The following CEP128 variants were observed in gnomAD, a reference collection of about 807,000 sequenced individuals.
CEP128 encodes the protein centrosomal protein 128, also known as centrosomal protein 128kDa.
In CEP128, 132 loss-of-function variants were observed where a neutral mutation model predicts 156.7. That is an observed-to-expected ratio of 0.84 (90% CI 0.73 to 0.97). CEP128 has a LOEUF of 0.97. Ranked by LOEUF, CEP128 falls within the 50% of genes least tolerant of loss-of-function variation. CEP128 has a pLI of 0.00. For synonymous variants in CEP128, 469 were observed against 448.9 expected (o/e 1.04, Z -0.57); for missense variants, 1,252 against 1,281.9 (o/e 0.98, Z 0.36).
rs78532435 is a variant in CEP128 at position 80,895,607 on chromosome 14, T to C, written c.645+111A>G. ...TACAAGAACACACTTTTAGACAAAA[T>C]GGGACATACCACCCAAAAGGTTAAA... On this transcript the variant is annotated intron_variant, in intron 8 of 24. Coordinates refer to ENST00000555265, the MANE Select transcript of CEP128 (RefSeq NM_152446.5). 1.6e-3 allele frequency: 996 copies of C among 628,042 alleles called. 10 individuals carry two copies. The African/African-American group carries it at 0.017, about 11-fold the overall frequency. The allele number at this position is 628,042 out of a possible 1,614,324, so 38.9% of individuals were successfully genotyped here.
At chr14:80,512,821 C>A (rs1888320490) in intron 23 of CEP128, among the ~76,000 whole-genome samples, 1 of 151,936 alleles carries the variant, frequency 6.6e-6, no homozygotes, top group Non-Finnish European at 1.5e-5. Context: ...ACTTCAAGAA[C>A]AAGCAAACTA....
At chr14:80,859,564 A>T (rs576600291) in intron 9 of CEP128, among the ~76,000 whole-genome samples, 1 of 147,860 alleles carries the variant, frequency 6.8e-6, no homozygotes, top group East Asian at 1.9e-4. Context: ...AAATTAATTA[A>T]TTTTTAAAAA....
chr14:80,906,045 G>A lies in CEP128; in HGVS notation c.271C>T (p.Arg91Trp), dbSNP rs778096305. 29 of 1,608,088 alleles carry A rather than the reference G, an allele frequency of 1.8e-5. No individual in the cohort carries two copies. Among genetic ancestry groups the A allele is most frequent in the Non-Finnish European group, 2.4e-5 (28 of 1,178,342 alleles). ...ESLEQSIDQL[R>W]SQRLLRNSGG... ...GAGTTTCTCAATAAACGTTGACTCC[G>A]GAGTTGGTCGATTGATTGTTCCAAG... Residue 91 changes from arginine to tryptophan, a missense_variant, in exon 5 of 25, where the codon CGG becomes TGG. Physicochemically the swap from Arg to Trp is moderately radical, Grantham distance 101 (BLOSUM62 -3). Transcript: ENST00000555265.
chr14:80,763,861 T>C (rs1031802275), intron 16 of CEP128, among the ~76,000 whole-genome samples: 3 of 152,164 alleles, frequency 2.0e-5, no homozygotes, highest in African/African-American at 7.2e-5. Flanking sequence ...TGAGGTGTCC[T>C]AGGAGGTTTC....
chr14:80,663,654 T>C (rs1008144719), intron 19 of CEP128, among the ~76,000 whole-genome samples: 1 of 152,166 alleles, frequency 6.6e-6, no homozygotes, highest in South Asian at 2.1e-4. Flanking sequence ...CTACCAAAGA[T>C]GTTATACATA....
chr14:80,735,456 T>C (rs1175129233), intron 19 of CEP128, among the ~76,000 whole-genome samples: 2 of 152,192 alleles, frequency 1.3e-5, no homozygotes, highest in Non-Finnish European at 2.9e-5. Flanking sequence ...AAGTAATTTA[T>C]GAATATTCCT....
At chr14:80,637,934 G>C (rs1047121743) in intron 19 of CEP128, among the ~76,000 whole-genome samples, 1 of 152,176 alleles carries the variant, frequency 6.6e-6, no homozygotes, top group African/African-American at 2.4e-5. Flanking sequence ...GCAAGAAAAG[G>C]GTTCTCCCTT....
chr14:80,804,356 T>G (rs1238338739), intron 13 of CEP128, among the ~76,000 whole-genome samples: 1 of 152,078 alleles, frequency 6.6e-6, no homozygotes, highest in Non-Finnish European at 1.5e-5. Flanking sequence ...TATACTGCAA[T>G]GATAATGATA....
chr14:80,646,161 G>A (rs763670285), intron 19 of CEP128, among the ~76,000 whole-genome samples: 3 of 152,086 alleles, frequency 2.0e-5, no homozygotes, highest in Admixed American at 6.6e-5. Flanking sequence ...CCTACAGAAC[G>A]TAAAACGCCA....
intron 21 of CEP128, among the ~76,000 whole-genome samples, chr14:80,540,944 G>A (rs995857500): frequency 4.6e-5 from 7 of 152,146 alleles, no homozygotes; most frequent in Non-Finnish European, 8.8e-5. Context: ...ATGCATTTTG[G>A]CTGTAAACTT....
intron 2 of CEP128, among the ~76,000 whole-genome samples, chr14:80,920,833 C>T (rs765302494): frequency 5.3e-5 from 8 of 152,174 alleles, no homozygotes; most frequent in Non-Finnish European, 1.2e-4. Flanking sequence ...CTAATGGGAA[C>T]ATGTAAATTT....
In CEP128 at chr14:80,743,280, A is replaced by G. The variant is rs1898928269; in HGVS notation, c.2614-13T>C. The G allele has an allele frequency of 2.6e-6, 4 of 1,563,312 alleles. No individual in the cohort carries two copies. The highest frequency in any genetic ancestry group is 3.5e-6 in the Non-Finnish European group (4 of 1,137,556). On this transcript the variant is annotated splice_polypyrimidine_tract_variant and intron_variant, in intron 18 of 24. Coordinates refer to ENST00000555265, the MANE Select transcript of CEP128 (RefSeq NM_152446.5). The stretch of plus-strand genomic sequence containing the variant: ...ACTGAAGTTTAGTCTAAAAAATAAC[A>G]TTTATATCTAATGGTTAAAGAAACT...
intron 19 of CEP128, among the ~76,000 whole-genome samples, chr14:80,625,656 G>A (rs760503118): frequency 2.6e-5 from 4 of 151,658 alleles, no homozygotes; most frequent in Non-Finnish European, 4.4e-5. Flanking sequence ...TTTTGTTATC[G>A]AGATCTTTCA....
intron 19 of CEP128, among the ~76,000 whole-genome samples, chr14:80,638,632 G>A (rs1179642836): frequency 6.6e-6 from 1 of 152,126 alleles, no homozygotes; most frequent in African/African-American, 2.4e-5. Context: ...TATATACGAT[G>A]TCTTTTACCC....
chr14:80,906,144 G>C, intron 4 of CEP128, 63 bp from the exon 5 acceptor site: 1 of 1,237,158 alleles, frequency 8.1e-7, no homozygotes, highest in Non-Finnish European at 1.1e-6. Flanking sequence ...AATACAAATA[G>C]ACCACAGATT....
intron 19 of CEP128, among the ~76,000 whole-genome samples, chr14:80,628,844 A>G (rs60111270): frequency 0.35 from 53,080 of 151,362 alleles, 11,036 homozygotes; most frequent in African/African-American, 0.59. Context: ...ATATATATGT[A>G]TAGTCACTTC....
intron 19 of CEP128, among the ~76,000 whole-genome samples, chr14:80,704,274 T>A (rs1897164833): frequency 6.6e-6 from 1 of 151,942 alleles, no homozygotes; most frequent in African/African-American, 2.4e-5. Flanking sequence ...AACCACAGAG[T>A]AAACACTCTA....
intron 19 of CEP128, among the ~76,000 whole-genome samples, chr14:80,620,856 G>A (rs923505960): frequency 1.3e-5 from 2 of 152,120 alleles, no homozygotes; most frequent in South Asian, 2.1e-4. Flanking sequence ...ATGTACTTTC[G>A]AACATGTAGC....
chr14:80,769,511 A>AT (rs1263968509), intron 16 of CEP128, among the ~76,000 whole-genome samples: 2 of 151,534 alleles, frequency 1.3e-5, no homozygotes, highest in African/African-American at 4.9e-5. Context: ...GCGGTGTTTG[A>AT]TTTTTTGTCC....
Sources: allele counts gnomAD v4.1 joint callset (sites outside exome capture counted in the v4.1 genomes callset), GRCh38; gene constraint gnomAD v4.1.1; transcripts MANE v1.5; gene names NCBI Gene and HGNC (gene_info 2026-07-23, HGNC 2026-07-21).